Variants in OSBPL8 observed in about 807,000 individuals in gnomAD.
The protein encoded by OSBPL8 is oxysterol-binding protein-related protein 8.
Under a neutral mutation model 125.5 loss-of-function variants are expected in OSBPL8, and 59 were observed. The observed-to-expected ratio is 0.47, with a 90% CI of 0.38 to 0.58. The LOEUF (loss-of-function observed/expected upper bound fraction) is 0.58. Ranked by LOEUF, OSBPL8 falls within the 20% of genes least tolerant of loss-of-function variation. OSBPL8 has a pLI of 0.00. For synonymous variants in OSBPL8, 330 were observed against 338.9 expected, an observed-to-expected ratio of 0.97 and a Z score of 0.29; for missense variants, 758 against 1,047.8, an observed-to-expected ratio of 0.72 and a Z score of 3.82.
At chr12:76,470,804 C>T (rs757408823) in intron 2 of OSBPL8, among the ~76,000 whole-genome samples, 1 of 152,168 alleles carries the variant, frequency 6.6e-6, no homozygotes, top group Non-Finnish European at 1.5e-5. Context: ...AACTGTTCCT[C>T]ATGTCTCTGC....
At chr12:76,511,813 G>A (rs990153092) in intron 1 of OSBPL8, among the ~76,000 whole-genome samples, 2 of 152,100 alleles carry the variant, frequency 1.3e-5, no homozygotes, top group Non-Finnish European at 2.9e-5. Context: ...CCTATGTCCT[G>A]GATGGTATTA....
intron 6 of OSBPL8, among the ~76,000 whole-genome samples, chr12:76,401,248 G>T (rs138012377): frequency 6.6e-6 from 1 of 152,124 alleles, no homozygotes; most frequent in Non-Finnish European, 1.5e-5. Flanking sequence ...CCTTTTCTAA[G>T]TAACAACCTA....
At chr12:76,481,743 T>C (rs1341352170) in intron 2 of OSBPL8, among the ~76,000 whole-genome samples, 1 of 152,214 alleles carries the variant, frequency 6.6e-6, no homozygotes, top group Non-Finnish European at 1.5e-5. Context: ...AATTTAATAG[T>C]ATTTATAACA....
chr12:76,532,599 G>A (rs761198397), intron 1 of OSBPL8, among the ~76,000 whole-genome samples: 2 of 151,482 alleles, frequency 1.3e-5, no homozygotes, highest in African/African-American at 2.4e-5. Flanking sequence ...TAACCTGTCC[G>A]GACCCATTTC....
Position 76,384,338 on chromosome 12 carries a change from GATGATGGGACACCTATTA to G in OSBPL8, c.1534-6_1545del. Reference sequence around the variant, plus strand: ...CTAACATAAAAGGCAGATATTGGTGGATGATGGGACACCTATTAAACATAAGAAAAACATGCATATATA... The same window carrying G: ...CTAACATAAAAGGCAGATATTGGTGGAACATAAGAAAAACATGCATATATA... On this transcript the variant is annotated splice_acceptor_variant and splice_polypyrimidine_tract_variant and coding_sequence_variant and intron_variant, in exon 15 of 24. Transcript: ENST00000261183. LOFTEE classifies it high-confidence loss of function. 6.5e-7 allele frequency: 1 copy of G among 1,541,774 alleles called. No homozygotes were observed. Among genetic ancestry groups the G allele is most frequent in the Non-Finnish European group, 8.8e-7 (1 of 1,130,728 alleles).
intron 12 of OSBPL8, among the ~76,000 whole-genome samples, chr12:76,388,453 A>AG (rs1491579363): frequency 6.6e-6 from 1 of 152,176 alleles, no homozygotes; most frequent in Non-Finnish European, 1.5e-5. Flanking sequence ...TATTTGAGAC[A>AG]GGGGGCATCT....
chr12:76,518,727 T>C (rs1331838097), intron 1 of OSBPL8, among the ~76,000 whole-genome samples: 1 of 152,184 alleles, frequency 6.6e-6, no homozygotes, highest in African/African-American at 2.4e-5. Context: ...CACTAAAGCT[T>C]ATGGCTTGCA....
intron 3 of OSBPL8, among the ~76,000 whole-genome samples, chr12:76,459,526 C>T (rs990761730): frequency 2.0e-5 from 3 of 152,016 alleles, no homozygotes; most frequent in African/African-American, 7.3e-5. Flanking sequence ...CAGTGAAATC[C>T]TTGTGCTAGA....
chr12:76,417,824 A>T (rs894427161), intron 4 of OSBPL8, among the ~76,000 whole-genome samples: 7 of 152,140 alleles, frequency 4.6e-5, no homozygotes, highest in Non-Finnish European at 1.0e-4. Context: ...AATATCCAAG[A>T]AGCCTTACCA....
intron 1 of OSBPL8, among the ~76,000 whole-genome samples, chr12:76,534,535 C>T (rs2137369282): frequency 6.6e-6 from 1 of 152,238 alleles, no homozygotes; most frequent in African/African-American, 2.4e-5. Context: ...GCTGAAAGTA[C>T]TTTGCTTCTT....
At chr12:76,524,815 C>T (rs1394909626) in intron 1 of OSBPL8, among the ~76,000 whole-genome samples, 2 of 151,884 alleles carry the variant, frequency 1.3e-5, no homozygotes, top group Non-Finnish European at 2.9e-5. Context: ...TCCCAAGTAG[C>T]TGGGATTACA....
At chr12:76,437,614 G>A (rs1565896671) in intron 4 of OSBPL8, among the ~76,000 whole-genome samples, 1 of 152,112 alleles carries the variant, frequency 6.6e-6, no homozygotes, top group African/African-American at 2.4e-5. Flanking sequence ...TTTTCTTCAA[G>A]AGTATCTTGA....
chr12:76,554,587 G>A (rs990449137), intron 1 of OSBPL8, among the ~76,000 whole-genome samples: 1 of 152,178 alleles, frequency 6.6e-6, no homozygotes, highest in Non-Finnish European at 1.5e-5. Flanking sequence ...CGGGGTGGTT[G>A]TCAGGATCAA....
chr12:76,516,461 T>C (rs1457260105), intron 1 of OSBPL8, among the ~76,000 whole-genome samples: 1 of 152,214 alleles, frequency 6.6e-6, no homozygotes, highest in Admixed American at 6.5e-5. Context: ...CTAACTGCTT[T>C]TTTGTGTCTT....
At chr12:76,527,727 T>C (rs12309776) in intron 1 of OSBPL8, among the ~76,000 whole-genome samples, 4,280 of 152,258 alleles carry the variant, frequency 0.028, 190 homozygotes, top group African/African-American at 0.097. Flanking sequence ...ACAAAAAACA[T>C]TGAGTTGCAA....
intron 15 of OSBPL8, among the ~76,000 whole-genome samples, chr12:76,380,488 C>A (rs1952995916): frequency 7.7e-6 from 1 of 129,652 alleles, no homozygotes; most frequent in East Asian, 2.6e-4. Context: ...ATCCCTTGAG[C>A]TCAGGAGTTT....
chr12:76,406,403 TAAAG>T (rs1317682707), intron 5 of OSBPL8, among the ~76,000 whole-genome samples: 1 of 152,186 alleles, frequency 6.6e-6, no homozygotes, highest in Non-Finnish European at 1.5e-5. Context: ...AAAATCAACT[TAAAG>T]AGATGTGAGC....
At chr12:76,393,710 CAAAAA>C (rs11423585) in intron 9 of OSBPL8, among the ~76,000 whole-genome samples, 6 of 52,294 alleles carry the variant, frequency 1.1e-4, no homozygotes, top group African/African-American at 1.3e-4. Context: ...GACTCCGTTT[CAAAAA>C]AAAAAAAAAA....
chr12:76,543,091 T>C (rs944240597), intron 1 of OSBPL8, among the ~76,000 whole-genome samples: 3 of 152,050 alleles, frequency 2.0e-5, no homozygotes, highest in Non-Finnish European at 4.4e-5. Context: ...TAGTGAATTG[T>C]GCAATTAGGA....
Sources: gnomAD v4.1 joint callset for allele counts (sites outside exome capture counted in the v4.1 genomes callset) on GRCh38, gnomAD v4.1.1 for gene constraint, MANE v1.5 for transcripts, NCBI Gene and HGNC (gene_info 2026-07-23, HGNC 2026-07-21) for gene names.